The following VWC2 variants were observed in gnomAD, a reference collection of about 807,000 sequenced individuals.
VWC2 encodes the protein von Willebrand factor C domain containing 2.
In VWC2, 14 loss-of-function variants were observed where a neutral mutation model predicts 29.8. The observed-to-expected ratio is 0.47, with a 90% CI of 0.31 to 0.74. The LOEUF is 0.74. Among genes scored for constraint, VWC2 ranks in the 30% least tolerant of loss-of-function variants. VWC2 has a pLI of 0.05. For missense variants in VWC2, 457 were observed against 459.8 expected (o/e 0.99, Z 0.05); for synonymous variants, 213 against 199.0 (o/e 1.07, Z -0.59).
rs559902132 is a variant in VWC2 at position 49,887,730 on chromosome 7, G to C, written c.827-24304G>C. Among the ~76,000 whole-genome samples, 3 of 151,628 alleles carry C rather than the reference G, an allele frequency of 2.0e-5. No individual in the cohort carries two copies. The East Asian group carries it at 5.8e-4, about 29-fold the overall frequency. On this transcript the variant is annotated intron_variant, in intron 3 of 3. Coordinates refer to ENST00000340652, the MANE Select transcript of VWC2 (RefSeq NM_198570.5). ...AGCTCAAATGCAAGTGTCTCCATTT[G>C]TTGAATTAGGAAGTCTATACAACAC...
chr7:49,814,815 C>T (rs562327648), intron 3 of VWC2, among the ~76,000 whole-genome samples: 4 of 152,176 alleles, frequency 2.6e-5, no homozygotes, highest in Non-Finnish European at 5.9e-5. Context: ...CCAGCCCTGG[C>T]GTCACTTCCC....
chr7:49,817,701 T>C (rs1378945509), intron 3 of VWC2, among the ~76,000 whole-genome samples: 1 of 152,162 alleles, frequency 6.6e-6, no homozygotes, highest in African/African-American at 2.4e-5. Flanking sequence ...ATTCTGAAAA[T>C]TGCATCTCAT....
At position 49,775,396 on chromosome 7, in the gene VWC2, C is replaced by CTGCCCGTGCCTGTGCACCGAGGAGGG; in HGVS notation, c.-40_-39insTGCCCGTGCCTGTGCACCGAGGAGGG. ...CTGTGAATGCGACTCGCCCCTCGGCCGCGCTCCCCGCCCGCCCGCCCGCCG... is the reference window on the plus strand; with the variant it reads ...CTGTGAATGCGACTCGCCCCTCGGCCTGCCCGTGCCTGTGCACCGAGGAGGGGCGCTCCCCGCCCGCCCGCCCGCCG... On this transcript the variant is annotated 5_prime_UTR_variant, in exon 2 of 4. It removes the in-frame stop codon of an upstream open reading frame in the 5' UTR. Transcript: ENST00000340652. The CTGCCCGTGCCTGTGCACCGAGGAGGG allele has an allele frequency of 7.5e-7, 1 of 1,326,014 alleles. No homozygotes were observed. Among genetic ancestry groups the CTGCCCGTGCCTGTGCACCGAGGAGGG allele is most frequent in the East Asian group, 3.1e-5 (1 of 31,808 alleles). The allele number at this position is 1,326,014 out of a possible 1,614,324, so 82.1% of individuals were successfully genotyped here.
intron 3 of VWC2, among the ~76,000 whole-genome samples, chr7:49,856,262 C>G (rs956783097): frequency 5.3e-5 from 8 of 152,156 alleles, no homozygotes; most frequent in Admixed American, 3.3e-4. Flanking sequence ...GCTTGGTGCT[C>G]TCCCCTTGGT....
intron 2 of VWC2, among the ~76,000 whole-genome samples, chr7:49,785,452 T>C (rs578120885): frequency 6.6e-6 from 1 of 152,270 alleles, no homozygotes; most frequent in East Asian, 1.9e-4. Context: ...TTGTAGAGTA[T>C]GGGAGAAATT....
At chr7:49,849,859 T>C (rs577794837) in intron 3 of VWC2, among the ~76,000 whole-genome samples, 16 of 152,210 alleles carry the variant, frequency 1.1e-4, no homozygotes, top group Non-Finnish European at 1.9e-4. Context: ...TGAAGCCTCA[T>C]ATAGTGGGAC....
intron 2 of VWC2, among the ~76,000 whole-genome samples, chr7:49,801,166 G>A (rs1788728540): frequency 6.6e-6 from 1 of 152,208 alleles, no homozygotes; most frequent in Non-Finnish European, 1.5e-5. Context: ...AGTCCACTCA[G>A]TGGAGATTTC....
intron 3 of VWC2, among the ~76,000 whole-genome samples, chr7:49,901,870 GAACACTGTTTGCTAACACTGTTAGCT>G (rs556242675): frequency 2.0e-5 from 3 of 146,926 alleles, no homozygotes; most frequent in East Asian, 1.9e-4. Context: ...AGATAAATAT[GAACACTGTTTGCTAACACTGTTAGCT>G]AACACTGTTT....
chr7:49,896,857 A>G (rs1416205211), intron 3 of VWC2, among the ~76,000 whole-genome samples: 2 of 151,824 alleles, frequency 1.3e-5, no homozygotes, highest in East Asian at 3.9e-4. Flanking sequence ...TCGCTTGAGA[A>G]CTATTAAGAA....
At chr7:49,794,946 G>A (rs948518528) in intron 2 of VWC2, among the ~76,000 whole-genome samples, 2 of 152,150 alleles carry the variant, frequency 1.3e-5, no homozygotes, top group Non-Finnish European at 2.9e-5. Context: ...CAATATGCAC[G>A]TAGCTCAGTT....
At position 49,822,973 on chromosome 7, in the gene VWC2, G is replaced by T. The variant is rs189749573; in HGVS notation, c.826+20133G>T. Among the ~76,000 whole-genome samples the T allele has an allele frequency of 1.3e-3, 194 of 152,294 alleles. 2 individuals carry two copies. Among genetic ancestry groups the T allele is most frequent in the Non-Finnish European group, 3.2e-4 (22 of 68,030 alleles). ...GAATAATGCTCCTGTGAGCTTTCAT[G>T]GATAAGCCCTTGTGTAGAAATATGT... is the stretch of plus-strand genomic sequence containing the variant. On this transcript the variant is annotated intron_variant, in intron 3 of 3. Transcript: ENST00000340652.
intron 3 of VWC2, among the ~76,000 whole-genome samples, chr7:49,804,867 A>G (rs1202656895): frequency 6.6e-6 from 1 of 152,224 alleles, no homozygotes; most frequent in Non-Finnish European, 1.5e-5. Context: ...CCCATAAGAC[A>G]CATGGCACAA....
chr7:49,894,421 C>T (rs1449134599), intron 3 of VWC2, among the ~76,000 whole-genome samples: 2 of 152,248 alleles, frequency 1.3e-5, no homozygotes, highest in African/African-American at 4.8e-5. Flanking sequence ...GCATGAGCCA[C>T]TGCACCTGAT....
intron 2 of VWC2, among the ~76,000 whole-genome samples, chr7:49,781,734 C>T (rs1485452893): frequency 6.6e-6 from 1 of 152,140 alleles, no homozygotes; most frequent in Non-Finnish European, 1.5e-5. Flanking sequence ...GAGTGCCTTG[C>T]TTATATGTAT....
intron 3 of VWC2, among the ~76,000 whole-genome samples, chr7:49,853,746 G>A (rs905786556): frequency 1.3e-5 from 2 of 151,876 alleles, no homozygotes; most frequent in African/African-American, 2.4e-5. Context: ...TTAAGTTCTA[G>A]GGTACATGTG....
intron 3 of VWC2, among the ~76,000 whole-genome samples, chr7:49,836,898 A>C (rs980595071): frequency 8.5e-5 from 13 of 152,226 alleles, no homozygotes; most frequent in African/African-American, 2.9e-4. Flanking sequence ...ATATGTCACA[A>C]TTAGATCAGA....
intron 3 of VWC2, among the ~76,000 whole-genome samples, chr7:49,834,529 T>G (rs1789613045): frequency 6.6e-6 from 1 of 152,192 alleles, no homozygotes; most frequent in Non-Finnish European, 1.5e-5. Flanking sequence ...CAGTCTGTAT[T>G]ATATGCTGAA....
chr7:49,849,637 T>C (rs1221531920), intron 3 of VWC2, among the ~76,000 whole-genome samples: 1 of 152,254 alleles, frequency 6.6e-6, no homozygotes, highest in African/African-American at 2.4e-5. Context: ...ACATGCACCA[T>C]TAGATAGAGT....
intron 3 of VWC2, among the ~76,000 whole-genome samples, chr7:49,861,988 G>C (rs1790668287): frequency 6.6e-6 from 1 of 152,114 alleles, no homozygotes; most frequent in Non-Finnish European, 1.5e-5. Flanking sequence ...ATGAATTTTA[G>C]GATAGGCTTT....
Sources: gnomAD v4.1 joint callset for allele counts (sites outside exome capture counted in the v4.1 genomes callset) on GRCh38, gnomAD v4.1.1 for gene constraint, MANE v1.5 for transcripts, NCBI Gene and HGNC (gene_info 2026-07-23, HGNC 2026-07-21) for gene names.